The following TDRD3 variants were observed in gnomAD, a reference collection of about 807,000 sequenced individuals.
The protein encoded by TDRD3 is tudor domain-containing protein 3.
A neutral mutation model predicts 86.7 loss-of-function variants in TDRD3; 45 were observed. The ratio of observed to expected loss-of-function variants is 0.52; its 90% CI spans 0.41 to 0.67. The LOEUF (loss-of-function observed/expected upper bound fraction) is 0.67, where lower values mean the gene tolerates loss of function less well. Ranked by LOEUF, TDRD3 falls within the 30% of genes least tolerant of loss-of-function variation. The pLI is 0.00. For missense variants in TDRD3, 814 were observed against 889.0 expected (o/e 0.92, Z 1.07); for synonymous variants, 298 against 301.7 (o/e 0.99, Z 0.13).
chr13:60,523,573 C>CTTTTTT (rs67692021), intron 10 of TDRD3, among the ~76,000 whole-genome samples: 73 of 105,012 alleles, frequency 7.0e-4, no homozygotes, highest in Non-Finnish European at 1.0e-3. Context: ...ATACATTTTT[C>CTTTTTT]TTTTTTTTTT....
chr13:60,533,345 G>A (rs1001336429), intron 11 of TDRD3, among the ~76,000 whole-genome samples: 35 of 152,100 alleles, frequency 2.3e-4, no homozygotes, highest in Non-Finnish European at 2.9e-5. Context: ...AACCTCTTAA[G>A]AGATACTATT....
intron 1 of TDRD3, among the ~76,000 whole-genome samples, chr13:60,412,394 T>A (rs904135683): frequency 7.2e-5 from 11 of 152,200 alleles, no homozygotes; most frequent in Non-Finnish European, 1.6e-4. Context: ...AATAGTGATA[T>A]CACTTATTTT....
At chr13:60,488,049 C>A (rs1477578822) in intron 7 of TDRD3, among the ~76,000 whole-genome samples, 1 of 152,122 alleles carries the variant, frequency 6.6e-6, no homozygotes, top group East Asian at 1.9e-4. Context: ...CAGTCTAGAT[C>A]CTGCTGCTCA....
chr13:60,408,026 C>T (rs561112922), intron 1 of TDRD3, among the ~76,000 whole-genome samples: 6 of 151,746 alleles, frequency 4.0e-5, no homozygotes, highest in African/African-American at 9.7e-5. Context: ...CTCTTGCCGC[C>T]GCCATGTAAG....
chr13:60,490,163 T>C (rs1956554579), intron 7 of TDRD3, among the ~76,000 whole-genome samples: 7 of 151,088 alleles, frequency 4.6e-5, no homozygotes, highest in Admixed American at 4.0e-4. Flanking sequence ...TGCAAGGTTA[T>C]CCAGTGATAA....
chr13:60,514,706 G>A (rs1417323057), intron 10 of TDRD3, among the ~76,000 whole-genome samples: 1 of 152,162 alleles, frequency 6.6e-6, no homozygotes, highest in Non-Finnish European at 1.5e-5. Flanking sequence ...GAGAGACATG[G>A]AATTGGTAGG....
intron 9 of TDRD3, 149 bp from the exon 10 acceptor site, chr13:60,510,481 A>T: frequency 1.2e-6 from 1 of 832,026 alleles, no homozygotes; most frequent in Non-Finnish European, 1.6e-6. Context: ...TTAAAAACCT[A>T]AAAAAATTAC....
intron 4 of TDRD3, among the ~76,000 whole-genome samples, chr13:60,465,753 A>G (rs1004687527): frequency 6.6e-6 from 1 of 152,176 alleles, no homozygotes; most frequent in Non-Finnish European, 1.5e-5. Context: ...TTGCTCTTGC[A>G]TATATTAGCA....
chr13:60,571,715 C>G (rs1410356240), intron 13 of TDRD3, among the ~76,000 whole-genome samples: 1 of 151,546 alleles, frequency 6.6e-6, no homozygotes, highest in African/African-American at 2.4e-5. Flanking sequence ...TTTCAAGGCC[C>G]CCACAGATCC....
chr13:60,529,652 T>A (rs540409362), intron 11 of TDRD3, among the ~76,000 whole-genome samples: 2 of 152,188 alleles, frequency 1.3e-5, no homozygotes, highest in Non-Finnish European at 1.5e-5. Flanking sequence ...CTTACTTTTT[T>A]AAAAAGTTAA....
In TDRD3 at chr13:60,519,536, A is replaced by C. The variant is rs1048156918; in HGVS notation, c.1141+8781A>C. Reference sequence around the variant, plus strand: ...CATTTAATGGATCAATTTGTCCATTAGTAGTTTTTTTAACCCTGGCAGAAA... The same window carrying C: ...CATTTAATGGATCAATTTGTCCATTCGTAGTTTTTTTAACCCTGGCAGAAA... On this transcript the variant is annotated intron_variant, in intron 10 of 13. Coordinates refer to ENST00000377881, the MANE Select transcript of TDRD3 (RefSeq NM_001146070.2). Among the ~76,000 whole-genome samples the C allele has an allele frequency of 1.6e-4, 25 of 152,168 alleles. 1 individual carries two copies. Among genetic ancestry groups the C allele is most frequent in the Admixed American group, 1.4e-3 (22 of 15,262 alleles).
intron 8 of TDRD3, among the ~76,000 whole-genome samples, chr13:60,503,251 G>A (rs1262942413): frequency 6.6e-6 from 1 of 152,108 alleles, no homozygotes; most frequent in African/African-American, 2.4e-5. Flanking sequence ...AAAGCTATTA[G>A]AATCCTGCAT....
intron 1 of TDRD3, among the ~76,000 whole-genome samples, chr13:60,429,639 A>G (rs1050448421): frequency 4.6e-5 from 7 of 152,182 alleles, no homozygotes; most frequent in Non-Finnish European, 1.0e-4. Flanking sequence ...GATTTAAACA[A>G]AATAAATAAT....
chr13:60,548,633 A>G (rs879720498), intron 12 of TDRD3, among the ~76,000 whole-genome samples: 5 of 152,188 alleles, frequency 3.3e-5, no homozygotes, highest in Non-Finnish European at 7.4e-5. Flanking sequence ...TAGCAGTGTC[A>G]TCTTTCATAA....
intron 3 of TDRD3, among the ~76,000 whole-genome samples, chr13:60,448,939 C>T (rs1436194007): frequency 1.3e-5 from 2 of 152,084 alleles, no homozygotes; most frequent in Non-Finnish European, 2.9e-5. Context: ...CTATGGAGTC[C>T]TAACTGTACA....
chr13:60,466,285 A>G (rs2138077055), intron 4 of TDRD3, among the ~76,000 whole-genome samples: 1 of 152,298 alleles, frequency 6.6e-6, no homozygotes, highest in South Asian at 2.1e-4. Context: ...CTTTGTAACA[A>G]AAAAACAGTA....
At chr13:60,418,866 T>G (rs1196043703) in intron 1 of TDRD3, among the ~76,000 whole-genome samples, 1 of 152,224 alleles carries the variant, frequency 6.6e-6, no homozygotes. Flanking sequence ...GCTTTTGAGA[T>G]TCATTCATAT....
intron 1 of TDRD3, among the ~76,000 whole-genome samples, chr13:60,426,357 A>T (rs1954808300): frequency 6.6e-6 from 1 of 152,056 alleles, no homozygotes; most frequent in Non-Finnish European, 1.5e-5. Context: ...TGAGAGATGT[A>T]CAACATGAGG....
At chr13:60,416,268 T>A (rs961117483) in intron 1 of TDRD3, among the ~76,000 whole-genome samples, 2 of 151,036 alleles carry the variant, frequency 1.3e-5, no homozygotes, top group African/African-American at 4.8e-5. Context: ...TAGTTCTTAG[T>A]CTAAATTTCT....
Sources: gnomAD v4.1 joint callset for allele counts (sites outside exome capture counted in the v4.1 genomes callset) on GRCh38, gnomAD v4.1.1 for gene constraint, MANE v1.5 for transcripts, NCBI Gene and HGNC (gene_info 2026-07-23, HGNC 2026-07-21) for gene names.